CFAP299: variants seen among roughly 807,000 people sequenced by gnomAD.
The protein encoded by CFAP299 is cilia and flagella associated protein 299.
In CFAP299, 21 loss-of-function variants were observed where a neutral mutation model predicts 27.0. That is an observed-to-expected ratio of 0.78 (90% confidence interval 0.55 to 1.12). CFAP299 has a LOEUF of 1.12. Ranked by LOEUF, CFAP299 falls within the 50% of genes most tolerant of loss-of-function variation. The pLI is 0.00. For synonymous variants in CFAP299, 104 were observed against 98.1 expected, an observed-to-expected ratio of 1.06 and a Z score of -0.36; for missense variants, 310 against 276.6, an observed-to-expected ratio of 1.12 and a Z score of -0.86.
Position 80,637,957 on chromosome 4 carries a change from G to A in CFAP299, c.333+54774G>A, listed in dbSNP as rs143103510. On this transcript the variant is annotated intron_variant, in intron 3 of 5. Transcript: ENST00000358105. ...ATATTTAATTTAAAATATCCTGGTT[G>A]ATTTCTAGCAATAAAGAAAATATTT... Among the ~76,000 whole-genome samples the A allele has an allele frequency of 9.1e-3, 1,382 of 152,248 alleles. 16 individuals are homozygous for A. The highest frequency in any genetic ancestry group is 0.053 in the South Asian group (253 of 4,814).
At chr4:80,891,531 C>T (rs1229791840) in intron 4 of CFAP299, among the ~76,000 whole-genome samples, 2 of 133,864 alleles carry the variant, frequency 1.5e-5, no homozygotes, top group Non-Finnish European at 3.1e-5. Context: ...AACCAAACAC[C>T]GCATATTCTC....
intron 2 of CFAP299, among the ~76,000 whole-genome samples, chr4:80,389,256 A>G (rs1289921703): frequency 1.3e-5 from 2 of 152,128 alleles, no homozygotes; most frequent in African/African-American, 4.8e-5. Flanking sequence ...AATCATTCCT[A>G]CCTAGTATTA....
At chr4:80,935,867 AAAAC>A (rs1463125668) in intron 4 of CFAP299, among the ~76,000 whole-genome samples, 9 of 152,156 alleles carry the variant, frequency 5.9e-5, no homozygotes, top group Admixed American at 5.9e-4. Context: ...TTTACAAGAA[AAAAC>A]AAACAACCCC....
At chr4:80,679,889 A>T (rs1229738046) in intron 3 of CFAP299, among the ~76,000 whole-genome samples, 4 of 151,866 alleles carry the variant, frequency 2.6e-5, no homozygotes, top group African/African-American at 9.7e-5. Context: ...CCAGACTGTA[A>T]CTTACTTTTT....
intron 3 of CFAP299, among the ~76,000 whole-genome samples, chr4:80,652,503 T>C (rs1740353216): frequency 6.6e-6 from 1 of 152,154 alleles, no homozygotes. Context: ...TACACAGGGT[T>C]GTTTTACAGT....
chr4:80,766,957 G>A (rs1259151913), intron 3 of CFAP299, among the ~76,000 whole-genome samples: 4 of 152,108 alleles, frequency 2.6e-5, no homozygotes, highest in Admixed American at 2.6e-4. Context: ...TATGAATTAT[G>A]TTTCATTTCT....
chr4:80,850,617 G>C (rs542448573), intron 3 of CFAP299, among the ~76,000 whole-genome samples: 3 of 152,072 alleles, frequency 2.0e-5, no homozygotes, highest in Admixed American at 6.6e-5. Flanking sequence ...AGTGGTCCTA[G>C]AATAATAGTT....
chr4:80,712,250 G>C (rs1722219523), intron 3 of CFAP299, among the ~76,000 whole-genome samples: 1 of 152,090 alleles, frequency 6.6e-6, no homozygotes, highest in African/African-American at 2.4e-5. Flanking sequence ...CTCAGCATCT[G>C]CTCCTTAAAT....
intron 2 of CFAP299, among the ~76,000 whole-genome samples, chr4:80,384,841 C>G (rs1724885659): frequency 6.6e-6 from 1 of 152,112 alleles, no homozygotes; most frequent in Non-Finnish European, 1.5e-5. Context: ...GCATTATTAC[C>G]ATGAGTCCCT....
chr4:80,849,750 G>C (rs1455851695), intron 3 of CFAP299, among the ~76,000 whole-genome samples: 1 of 152,044 alleles, frequency 6.6e-6, no homozygotes, highest in Non-Finnish European at 1.5e-5. Context: ...TGAGAGGTTG[G>C]TCAGCAGATA....
At chr4:80,562,510 G>T (rs992397178) in intron 2 of CFAP299, among the ~76,000 whole-genome samples, 1 of 151,600 alleles carries the variant, frequency 6.6e-6, no homozygotes, top group East Asian at 1.9e-4. Context: ...CCTTTGTTAG[G>T]CTCTAACCAG....
At chr4:80,360,862 T>C (rs958048510) in intron 1 of CFAP299, among the ~76,000 whole-genome samples, 5 of 152,246 alleles carry the variant, frequency 3.3e-5, no homozygotes, top group African/African-American at 1.2e-4. Flanking sequence ...AGTTTGTCAC[T>C]GAGACTTTGT....
intron 3 of CFAP299, among the ~76,000 whole-genome samples, chr4:80,710,074 T>C (rs1357382431): frequency 3.3e-5 from 5 of 152,114 alleles, no homozygotes; most frequent in Admixed American, 3.3e-4. Flanking sequence ...AGAAAATATG[T>C]AGAATTAGAA....
At chr4:80,726,663 C>G (rs1165043188) in intron 3 of CFAP299, among the ~76,000 whole-genome samples, 4 of 152,170 alleles carry the variant, frequency 2.6e-5, no homozygotes, top group Non-Finnish European at 4.4e-5. Context: ...ACATACAGAG[C>G]AAATCAACAC....
intron 3 of CFAP299, among the ~76,000 whole-genome samples, chr4:80,761,485 T>C (rs370256106): frequency 1.3e-4 from 20 of 152,176 alleles, no homozygotes; most frequent in Middle Eastern, 6.8e-3. Context: ...GCTACAATGA[T>C]ATACTGTATT....
At chr4:80,493,642 C>A (rs561957311) in intron 2 of CFAP299, among the ~76,000 whole-genome samples, 33 of 151,544 alleles carry the variant, frequency 2.2e-4, no homozygotes, top group Non-Finnish European at 3.5e-4. Flanking sequence ...CATATTAATT[C>A]TTTGAAGAGC....
At chr4:80,473,031 G>C (rs1048785443) in intron 2 of CFAP299, among the ~76,000 whole-genome samples, 12 of 152,172 alleles carry the variant, frequency 7.9e-5, no homozygotes, top group Admixed American at 3.3e-4. Flanking sequence ...CATTGGTGAA[G>C]AAGATAATCA....
chr4:80,779,816 A>G (rs1726768235), intron 3 of CFAP299, among the ~76,000 whole-genome samples: 1 of 151,852 alleles, frequency 6.6e-6, no homozygotes, highest in African/African-American at 2.4e-5. Context: ...TTATTTATTT[A>G]CTCACTTATT....
intron 2 of CFAP299, among the ~76,000 whole-genome samples, chr4:80,492,239 G>T (rs1731173900): frequency 6.6e-6 from 1 of 152,094 alleles, no homozygotes; most frequent in Non-Finnish European, 1.5e-5. Context: ...ACCAAGCTGT[G>T]CCCCGACCAC....
Sources: gnomAD v4.1 joint callset for allele counts (sites outside exome capture counted in the v4.1 genomes callset) on GRCh38, gnomAD v4.1.1 for gene constraint, MANE v1.5 for transcripts, NCBI Gene and HGNC (gene_info 2026-07-23, HGNC 2026-07-21) for gene names.